The following FURIN variants were observed in gnomAD, a reference collection of about 807,000 sequenced individuals.
FURIN encodes furin, paired basic amino acid cleaving enzyme.
Under a neutral mutation model 89.2 loss-of-function variants are expected in FURIN, and 18 were observed. The ratio of observed to expected loss-of-function variants is 0.20; its 90% CI spans 0.14 to 0.30. The LOEUF is 0.30. FURIN is among the 10% of genes least tolerant of loss of function. FURIN has a pLI of 1.00. For missense variants in FURIN, 879 were observed against 1,100.5 expected, an observed-to-expected ratio of 0.80 and a Z score of 2.85; for synonymous variants, 508 against 466.4, an observed-to-expected ratio of 1.09 and a Z score of -1.15.
chr15:90,870,729 G>A (rs2031245844), intron 1 of FURIN, among the ~76,000 whole-genome samples: 1 of 152,204 alleles, frequency 6.6e-6, no homozygotes, highest in Non-Finnish European at 1.5e-5. Flanking sequence ...ATTGCAAGTA[G>A]CTTGGATTCA....
chr15:90,869,430 T>A (rs1487795881), intron 1 of FURIN, among the ~76,000 whole-genome samples: 1 of 152,210 alleles, frequency 6.6e-6, no homozygotes, highest in Non-Finnish European at 1.5e-5. Context: ...CAGAGAAGTC[T>A]CACAGAGAGT....
At chr15:90,877,455 T>G (rs2031693506) in intron 6 of FURIN, 72 bp from the exon 7 acceptor site, 1 of 1,236,002 alleles carries the variant, frequency 8.1e-7, no homozygotes, top group African/African-American at 1.5e-5. Flanking sequence ...TCCCTCGTGC[T>G]CCTCAGGCCA....
chr15:90,880,346 C>A, intron 13 of FURIN, 73 bp downstream of exon 13: 1 of 1,265,204 alleles, frequency 7.9e-7, no homozygotes, highest in Non-Finnish European at 1.1e-6. Flanking sequence ...CCTTTGCTCG[C>A]TCACACGGCC....
intron 9 of FURIN, 31 bp downstream of exon 9, chr15:90,879,007 A>G (rs1291098113): frequency 1.5e-6 from 2 of 1,365,266 alleles, no homozygotes; most frequent in Non-Finnish European, 2.0e-6. Context: ...GGGGCTGGGG[A>G]GATGGGGCTG....
Position 90,876,209 on chromosome 15 carries a change from GA to G in FURIN, c.178-45del. The stretch of plus-strand genomic sequence containing the variant: ...CCACCCCCGTCCCCCGCCTCCCGGG[GA>G]CTGACAGATGGAAAGCCCAGCTCAG... On this transcript the variant is annotated intron_variant, in intron 2 of 15. Coordinates refer to ENST00000268171, the MANE Select transcript of FURIN (RefSeq NM_002569.4). This position sits in a 1 kb window ranked among gnomAD's most constrained non-coding sequence, Gnocchi z 5.0. The G allele has an allele frequency of 7.5e-7, 1 of 1,325,900 alleles. No homozygotes were observed. The highest frequency in any genetic ancestry group is 1.1e-6 in the Non-Finnish European group (1 of 918,308). 82.1% of individuals were successfully genotyped at this position (1,325,900 alleles called of 1,614,324 possible). A position where few individuals can be genotyped will look rare whatever the true frequency, so the allele number is the denominator to read the frequency against.
At chr15:90,880,600 G>A in intron 13 of FURIN, 91 bp from the exon 14 acceptor site, 1 of 1,424,104 alleles carries the variant, frequency 7.0e-7, no homozygotes, top group Non-Finnish European at 9.6e-7. Flanking sequence ...TCTGCGTGGG[G>A]GAAGGGTGTG....
At chr15:90,872,105 G>A (rs1040572754) in intron 1 of FURIN, among the ~76,000 whole-genome samples, 17 of 151,638 alleles carry the variant, frequency 1.1e-4, no homozygotes, top group African/African-American at 4.1e-4. Context: ...CGTTCCGCCC[G>A]GGGAGGGGAG....
Position 90,875,711 on chromosome 15 carries a change from G to A in FURIN, c.-30G>A. 3 of 1,501,822 alleles carry A rather than the reference G, an allele frequency of 2.0e-6. No individual in the cohort carries two copies. Among genetic ancestry groups the A allele is most frequent in the South Asian group, 2.6e-5 (2 of 77,210 alleles). 93.0% of individuals were successfully genotyped at this position (1,501,822 alleles called of 1,614,324 possible). ...CTGTGACCAGGCCAAGGAGACGGGCGCTCCAGGGTCCCAGCCACCTGTCCC... is the reference window on the plus strand; with the variant it reads ...CTGTGACCAGGCCAAGGAGACGGGCACTCCAGGGTCCCAGCCACCTGTCCC... On this transcript the variant is annotated 5_prime_UTR_variant, in exon 2 of 16. Coordinates refer to ENST00000268171, the MANE Select transcript of FURIN (RefSeq NM_002569.4).
chr15:90,878,773 G>C lies in FURIN; in HGVS notation c.850G>C (p.Gly284Arg), dbSNP rs2031776913. The change falls in exon 9 of 16, where the codon GGG becomes CGG. Residue 284 changes from glycine (G) to arginine (R), a missense_variant. Around this residue, in one of 5 missense-constraint regions of FURIN, gnomAD observed 156 missense variants for 243.7 expected, o/e 0.64. Transcript: ENST00000268171. ...FFRGVSQGRG[G>R]LGSIFVWASG... is the part of the protein sequence containing the mutation. ...CCCACTCTGTCCACAGGGCCGAGGGGGGCTGGGCTCCATCTTTGTCTGGGC... is the reference window on the plus strand; with the variant it reads ...CCCACTCTGTCCACAGGGCCGAGGGCGGCTGGGCTCCATCTTTGTCTGGGC... 6.2e-7 allele frequency: 1 copy of C among 1,603,298 alleles called. No homozygotes were observed. The highest frequency in any genetic ancestry group is 1.3e-5 in the African/African-American group (1 of 74,770).
chr15:90,878,358 A>G, intron 8 of FURIN, 54 bp downstream of exon 8: 1 of 1,395,916 alleles, frequency 7.2e-7, no homozygotes, highest in Non-Finnish European at 9.7e-7. Flanking sequence ...TGTCTTCCGT[A>G]CCTATCTTGT....
chr15:90,877,903 C>T (rs918392908), intron 7 of FURIN, among the ~76,000 whole-genome samples: 1 of 152,190 alleles, frequency 6.6e-6, no homozygotes, highest in Non-Finnish European at 1.5e-5. Flanking sequence ...TCTTTCTAGT[C>T]CTGAATGTGT....
At position 90,876,352 on chromosome 15, in the gene FURIN, A is replaced by G. The variant is rs2031624813; in HGVS notation, c.275A>G (p.Gln92Arg). ...PRHSRLQREP[Q>R]VQWLEQQVAK... The stretch of plus-strand genomic sequence containing the variant: ...CACAGCCGGCTGCAGAGGGAGCCTC[A>G]AGTGAGTGTGGCCCCAGCCCCCTCC... Residue 92 changes from glutamine to arginine, a missense_variant and splice_region_variant, in exon 3 of 16, where the codon CAA becomes CGA. This residue lies in a region of FURIN where 125 missense variants were observed against 125.0 expected (regional missense o/e 1.00). Coordinates refer to ENST00000268171, the MANE Select transcript of FURIN (RefSeq NM_002569.4). The surrounding 1 kb of genome is among the most constrained non-coding windows in gnomAD (Gnocchi z 5.0). 1 of 1,604,870 alleles carries G rather than the reference A, an allele frequency of 6.2e-7. No homozygotes were observed. Among genetic ancestry groups the G allele is most frequent in the Non-Finnish European group, 8.5e-7 (1 of 1,171,892 alleles).
In FURIN at chr15:90,882,511, C is replaced by T. The variant is rs6229; in HGVS notation, c.*633C>T. 9,192 of 153,530 alleles carry T rather than the reference C, an allele frequency of 0.06. 946 individuals carry two copies. The highest frequency in any genetic ancestry group is 0.21 in the African/African-American group (8,661 of 41,562). 9.5% of individuals were successfully genotyped at this position (153,530 alleles called of 1,614,324 possible). A position where few individuals can be genotyped will look rare whatever the true frequency, so the allele number is the denominator to read the frequency against. On this transcript the variant is annotated 3_prime_UTR_variant, in exon 16 of 16. Coordinates refer to ENST00000268171, the MANE Select transcript of FURIN (RefSeq NM_002569.4). The stretch of plus-strand genomic sequence containing the variant: ...GGCCACCAGGCTGGCGCAGCCAAGG[C>T]CGAAGCTCTGGCTGAACCCTGTGCT...
rs2031837660 is a variant in FURIN, at chr15:90,879,726, G to A, written c.1210G>A (p.Ala404Thr). The A allele has an allele frequency of 1.9e-6, 3 of 1,613,824 alleles. No homozygotes were observed. Among genetic ancestry groups the A allele is most frequent in the Non-Finnish European group, 2.5e-6 (3 of 1,180,016 alleles). ...QHLVVQTSKP[A>T]HLNANDWATN... Reference sequence around the variant, plus strand: ...CCTGGTGGTACAGACCTCGAAGCCAGCCCACCTCAATGCCAACGACTGGGC... The same window carrying A: ...CCTGGTGGTACAGACCTCGAAGCCAACCCACCTCAATGCCAACGACTGGGC... The change falls in exon 11 of 16, where the codon GCC (alanine) becomes ACC (threonine). Residue 404 changes from alanine to threonine, a missense_variant. By Grantham distance (58) the Ala-to-Thr change is moderately conservative. Coordinates refer to ENST00000268171, the MANE Select transcript of FURIN (RefSeq NM_002569.4).
Position 90,879,712 on chromosome 15 carries a change from A to G in FURIN, c.1196A>G (p.Gln399Arg), listed in dbSNP as rs143276283. 6.6e-5 allele frequency: 106 copies of G among 1,613,662 alleles called. No homozygotes were observed. The highest frequency in any genetic ancestry group is 3.3e-4 in the Middle Eastern group (2 of 6,084). ...TWRDMQHLVV[Q>R]TSKPAHLNAN... Reference sequence around the variant, plus strand: ...CGGGACATGCAACACCTGGTGGTACAGACCTCGAAGCCAGCCCACCTCAAT... The same window carrying G: ...CGGGACATGCAACACCTGGTGGTACGGACCTCGAAGCCAGCCCACCTCAAT... Residue 399 changes from glutamine to arginine, a missense_variant, in exon 11 of 16, where the codon CAG becomes CGG. Physicochemically the swap from Gln to Arg is conservative, Grantham distance 43. This residue lies in a region of FURIN where 156 missense variants were observed against 243.7 expected (regional missense o/e 0.64). Transcript: ENST00000268171.
Position 90,880,078 on chromosome 15 carries a change from G to T in FURIN, c.1377-16G>T. The T allele has an allele frequency of 6.2e-7, 1 of 1,603,988 alleles. No homozygotes were observed. The highest frequency in any genetic ancestry group is 8.5e-7 in the Non-Finnish European group (1 of 1,173,518). On this transcript the variant is annotated splice_polypyrimidine_tract_variant and intron_variant, in intron 12 of 15. Transcript: ENST00000268171. ...CCTCTGGGCCAGGCTGACCATCATG[G>T]TGCTCTCCTGCACAGAGACATCGGG... is the stretch of plus-strand genomic sequence containing the variant.
intron 1 of FURIN, among the ~76,000 whole-genome samples, chr15:90,875,284 C>T (rs1299983073): frequency 6.6e-6 from 1 of 152,154 alleles, no homozygotes; most frequent in Admixed American, 6.5e-5. Flanking sequence ...ATCCACCCGC[C>T]TCAGCCTCCC....
chr15:90,879,944 C>T lies in FURIN; in HGVS notation c.1336C>T (p.Pro446Ser). Residue 446 changes from proline (P) to serine (S), a missense_variant, in exon 12 of 16, where the codon CCC becomes TCC. By Grantham distance (74) the Pro-to-Ser change is moderately conservative. Transcript: ENST00000268171. ...ALAQNWTTVAPQRKCIIDILT... is the reference protein window; with the variant it reads ...ALAQNWTTVASQRKCIIDILT... ...GGCCCAGAATTGGACCACAGTGGCC[C>T]CCCAGCGGAAGTGCATCATCGACAT... 6.2e-7 allele frequency: 1 copy of T among 1,613,254 alleles called. No homozygotes were observed. Among genetic ancestry groups the T allele is most frequent in the Non-Finnish European group, 8.5e-7 (1 of 1,179,988 alleles).
intron 1 of FURIN, among the ~76,000 whole-genome samples, 190 bp from the exon 2 acceptor site, chr15:90,875,392 C>G (rs1317476279): frequency 6.6e-6 from 1 of 152,138 alleles, no homozygotes; most frequent in Non-Finnish European, 1.5e-5. Flanking sequence ...ATTGTGAGGG[C>G]ATCCATCTGT....
Sources: allele counts gnomAD v4.1 joint callset (sites outside exome capture counted in the v4.1 genomes callset), GRCh38; gene constraint gnomAD v4.1.1; regional missense constraint gnomAD v4.1.1; non-coding constraint Gnocchi (gnomAD v3.1); transcripts MANE v1.5; gene names NCBI Gene and HGNC (gene_info 2026-07-23, HGNC 2026-07-21).